Variants in MTUS1 observed in about 807,000 individuals in gnomAD.
MTUS1 encodes microtubule-associated tumor suppressor 1.
Under a neutral mutation model 120.8 loss-of-function variants are expected in MTUS1, and 109 were observed. The ratio of observed to expected loss-of-function variants is 0.90; its 90% CI spans 0.77 to 1.06. The LOEUF (loss-of-function observed/expected upper bound fraction) is 1.06. MTUS1 is among the 50% of genes least tolerant of loss of function. The pLI, the probability that MTUS1 is intolerant of heterozygous loss-of-function variation, is 0.00. For missense variants in MTUS1, 2,210 were observed against 1,486.3 expected (o/e 1.49, Z -8.01); for synonymous variants, 737 against 550.5 (o/e 1.34, Z -4.74).
intron 6 of MTUS1, among the ~76,000 whole-genome samples, chr8:17,694,375 G>A (rs1817544449): frequency 1.3e-5 from 2 of 152,272 alleles, no homozygotes; most frequent in South Asian, 4.1e-4. Flanking sequence ...TGATTCAAAG[G>A]TGAGGTTTGG....
chr8:17,772,477 A>G (rs924175521), intron 1 of MTUS1, among the ~76,000 whole-genome samples: 1 of 152,198 alleles, frequency 6.6e-6, no homozygotes. Context: ...CTGCTAAAAC[A>G]TAATTATCTG....
intron 3 of MTUS1, among the ~76,000 whole-genome samples, chr8:17,729,340 C>G (rs1157003429): frequency 6.6e-6 from 1 of 152,188 alleles, no homozygotes; most frequent in Non-Finnish European, 1.5e-5. Flanking sequence ...CTCACCAACA[C>G]TAAATATACA....
chr8:17,659,119 G>A (rs11203885), intron 8 of MTUS1, among the ~76,000 whole-genome samples: 3,198 of 152,218 alleles, frequency 0.021, 64 homozygotes, highest in African/African-American at 0.051. Flanking sequence ...GGGGCACAGA[G>A]CTGGCAAGCG....
chr8:17,777,292 T>C (rs1490935179), intron 1 of MTUS1, among the ~76,000 whole-genome samples: 1 of 151,570 alleles, frequency 6.6e-6, no homozygotes, highest in Non-Finnish European at 1.5e-5. Flanking sequence ...CAAAAAAAAT[T>C]AGCCAGACAT....
rs367599362 is a variant in MTUS1, at chr8:17,701,641, G to C, written c.2623+11573C>G. Among the ~76,000 whole-genome samples the C allele has an allele frequency of 8.5e-3, 1,296 of 152,062 alleles. 22 individuals are homozygous for C. Among genetic ancestry groups the C allele is most frequent in the African/African-American group, 0.029 (1,223 of 41,490 alleles). Reference sequence around the variant, plus strand: ...CGGCTCACTGCAAGCTCCACCTCTCGGGTTCAAGTGATTCTCCTGCCTCAG... The same window carrying C: ...CGGCTCACTGCAAGCTCCACCTCTCCGGTTCAAGTGATTCTCCTGCCTCAG... On this transcript the variant is annotated intron_variant, in intron 6 of 14. Coordinates refer to ENST00000693296, the MANE Select transcript of MTUS1 (RefSeq NM_001363059.2).
chr8:17,772,443 A>G (rs958443237), intron 1 of MTUS1, among the ~76,000 whole-genome samples: 13 of 152,226 alleles, frequency 8.5e-5, no homozygotes, highest in African/African-American at 3.1e-4. Flanking sequence ...AAAGAGATTC[A>G]TAATTATGAC....
At chr8:17,798,276 T>TAAG (rs1344612943) in intron 1 of MTUS1, among the ~76,000 whole-genome samples, 3 of 152,176 alleles carry the variant, frequency 2.0e-5, no homozygotes, top group Non-Finnish European at 4.4e-5. Context: ...CAACAGTCTC[T>TAAG]AACCCAAGAT....
intron 2 of MTUS1, among the ~76,000 whole-genome samples, chr8:17,751,142 C>A (rs1586159735): frequency 6.6e-6 from 1 of 152,144 alleles, no homozygotes; most frequent in Non-Finnish European, 1.5e-5. Context: ...CGTGGTGAAA[C>A]CCCATCTCTA....
intron 7 of MTUS1, among the ~76,000 whole-genome samples, chr8:17,683,073 C>A (rs894821509): frequency 1.3e-5 from 2 of 152,160 alleles, no homozygotes; most frequent in Non-Finnish European, 2.9e-5. Flanking sequence ...GAGATCGAGA[C>A]CATCCTGCCT....
intron 1 of MTUS1, among the ~76,000 whole-genome samples, chr8:17,785,833 G>T (rs2051258932): frequency 6.6e-6 from 1 of 152,148 alleles, no homozygotes; most frequent in South Asian, 2.1e-4. Flanking sequence ...GGGAAGTACT[G>T]AGAGGGCCGA....
At chr8:17,697,865 A>G (rs1288302318) in intron 6 of MTUS1, 1 of 306,758 alleles carries the variant, frequency 3.3e-6, no homozygotes, top group Non-Finnish European at 4.8e-6. Flanking sequence ...GATTTCCTGA[A>G]AGTAAACTGT....
intron 8 of MTUS1, among the ~76,000 whole-genome samples, chr8:17,660,170 C>G (rs60338902): frequency 0.14 from 21,403 of 152,016 alleles, 2,030 homozygotes; most frequent in African/African-American, 0.25. Flanking sequence ...TTCAGGAGTT[C>G]GAGACCAGCC....
chr8:17,783,916 G>C (rs1436007662), intron 1 of MTUS1, among the ~76,000 whole-genome samples: 1 of 151,784 alleles, frequency 6.6e-6, no homozygotes, highest in African/African-American at 2.4e-5. Context: ...ATGACATGAA[G>C]GTCACTCAGA....
At chr8:17,758,015 A>G (rs928056833) in intron 1 of MTUS1, 3 of 151,868 alleles carry the variant, frequency 2.0e-5, no homozygotes, top group Admixed American at 6.6e-5. Flanking sequence ...AGATACGCAC[A>G]CACTTGAACT....
intron 6 of MTUS1, among the ~76,000 whole-genome samples, chr8:17,687,094 G>T (rs1302828171): frequency 6.6e-6 from 1 of 152,128 alleles, no homozygotes; most frequent in Non-Finnish European, 1.5e-5. Context: ...TTATGATTAA[G>T]GAGGAAAGAA....
intron 1 of MTUS1, among the ~76,000 whole-genome samples, chr8:17,779,551 C>T (rs749000329): frequency 2.0e-5 from 3 of 152,172 alleles, no homozygotes; most frequent in South Asian, 2.1e-4. Flanking sequence ...AGCTTATCAA[C>T]GTTTCTAAAT....
At chr8:17,771,007 G>T (rs1355093831) in intron 1 of MTUS1, among the ~76,000 whole-genome samples, 2 of 152,088 alleles carry the variant, frequency 1.3e-5, no homozygotes, top group African/African-American at 2.4e-5. Context: ...AGTTTTAAAG[G>T]TAAGATGTTA....
At chr8:17,729,994 A>G (rs2046455454) in intron 3 of MTUS1, among the ~76,000 whole-genome samples, 1 of 151,728 alleles carries the variant, frequency 6.6e-6, no homozygotes, top group Admixed American at 6.6e-5. Context: ...CAAAAAAAAA[A>G]AAAAAAAAAG....
chr8:17,786,881 G>A (rs1026797173), intron 1 of MTUS1, among the ~76,000 whole-genome samples: 5 of 152,118 alleles, frequency 3.3e-5, no homozygotes, highest in African/African-American at 7.2e-5. Context: ...TCAGTTCTTC[G>A]GATCCCTTAT....
Sources: allele counts gnomAD v4.1 joint callset (sites outside exome capture counted in the v4.1 genomes callset), GRCh38; gene constraint gnomAD v4.1.1; transcripts MANE v1.5; gene names NCBI Gene and HGNC (gene_info 2026-07-23, HGNC 2026-07-21).